The following RBM10 variants were observed in gnomAD, a reference collection of about 807,000 sequenced individuals.
RBM10 encodes the protein RNA binding motif protein 10.
RBM10 carries 1 observed loss-of-function variant against 84.9 expected under a neutral mutation model. That is an observed-to-expected ratio of 0.01 (90% CI 0.00 to 0.06). The LOEUF is 0.06. Among genes scored for constraint, RBM10 ranks in the 10% least tolerant of loss-of-function variants. The pLI is 1.00. For missense variants in RBM10, 438 were observed against 839.0 expected (o/e 0.52, Z 5.90); for synonymous variants, 326 against 344.5 (o/e 0.95, Z 0.60).
intron 2 of RBM10, among the ~76,000 whole-genome samples, chrX:47,164,029 C>T (rs1156959278): frequency 5.6e-5 from 6 of 106,797 alleles, no homozygotes; most frequent in African/African-American, 2.0e-4. Context: ...CCACCACGCC[C>T]GGCTAATTTT....
In RBM10 at chrX:47,179,108, C is replaced by T. The variant is rs1311070932; in HGVS notation, c.669C>T (p.Gly223=). 5.8e-6 allele frequency: 7 copies of T among 1,206,636 alleles called. No individual in the cohort carries two copies. Among genetic ancestry groups the T allele is most frequent in the South Asian group, 5.4e-5 (3 of 55,934 alleles). The part of the protein sequence containing the change: ...INEDWLCNKC[G]VQNFKRREKC... The stretch of plus-strand genomic sequence containing the variant: ...GCCTGGCCTGTGCCTCACAGTGTGG[C>T]GTCCAGAACTTCAAACGCCGAGAGA... Residue 223 remains glycine, a synonymous_variant, in exon 8 of 24, where the codon GGC becomes GGT. Coordinates refer to ENST00000377604, the MANE Select transcript of RBM10 (RefSeq NM_005676.5).
intron 6 of RBM10, 61 bp from the exon 7 acceptor site, chrX:47,176,439 G>A (rs2147155481): frequency 1.7e-6 from 2 of 1,204,692 alleles, no homozygotes; most frequent in Non-Finnish European, 1.1e-6. Context: ...CTTCTCCTAT[G>A]CTGAAACGGT....
intron 3 of RBM10, 128 bp from the exon 4 acceptor site, chrX:47,170,900 G>A: frequency 1.5e-6 from 1 of 676,950 alleles, no homozygotes; most frequent in Non-Finnish European, 2.3e-6. Flanking sequence ...GCCTGCCTGA[G>A]CCTTTAGCCG....
chrX:47,165,313 C>G (rs782140461), intron 2 of RBM10, among the ~76,000 whole-genome samples: 1 of 106,663 alleles, frequency 9.4e-6, no homozygotes, highest in African/African-American at 3.5e-5. Context: ...GTAGGGAGTT[C>G]GAGAGCAGCC....
rs199930442 is a variant in RBM10 at position 47,174,921 on chromosome X, G to GCC, written c.503-93_503-92dup. The GCC allele has an allele frequency of 1.1e-5, 6 of 554,627 alleles. No individual in the cohort carries two copies. In the East Asian group the frequency reaches 2.2e-4, roughly 20 times the overall value. 45.7% of individuals were successfully genotyped at this position (554,627 alleles called of 1,213,427 possible). A position where few individuals can be genotyped will look rare whatever the true frequency, so the allele number is the denominator to read the frequency against. On this transcript the variant is annotated intron_variant, in intron 5 of 23. Transcript: ENST00000377604. The stretch of plus-strand genomic sequence containing the variant: ...TTTTCCTCTTCCCCTTTCCCTCTCT[G>GCC]CCCCCCGTCCTCTCCCCTCGGGTCC...
In RBM10 at chrX:47,181,372, C is replaced by T. The variant is rs1935518832; in HGVS notation, c.1406C>T (p.Thr469Ile). The part of the protein sequence containing the change: ...YLKGTKGPGI[T>I]GTKGDPTGAG... ...AAGGGCACCAAGGGCCCTGGCATCA[C>T]TGGAACCAAAGGGGATCCCACTGGA... Residue 469 changes from threonine (T) to isoleucine (I), a missense_variant, in exon 13 of 24, where the codon ACT becomes ATT. Thr to Ile is a moderately conservative substitution (Grantham distance 89). Transcript: ENST00000377604. 2 of 1,207,477 alleles carry T rather than the reference C, an allele frequency of 1.7e-6. No individual in the cohort carries two copies. Among genetic ancestry groups the T allele is most frequent in the Non-Finnish European group, 2.2e-6 (2 of 893,028 alleles).
intron 9 of RBM10, 65 bp from the exon 10 acceptor site, chrX:47,179,815 G>A (rs2147171584): frequency 1.8e-6 from 2 of 1,118,897 alleles, no homozygotes; most frequent in African/African-American, 1.8e-5. Context: ...AGCAGTGGGG[G>A]CATTGAAGGG....
At position 47,179,343 on chromosome X, in the gene RBM10, G is replaced by T; in HGVS notation, c.749G>T (p.Gly250Val). ...GAGGCAGAGCAGAAGCTGCCCCTCG[G>T]CACGAGGCTGGATCAGCAGACACTG... ...KSEAEQKLPL[G>V]TRLDQQTLPL... The change falls in exon 9 of 24, where the codon GGC becomes GTC. Residue 250 changes from glycine (G) to valine (V), a missense_variant. Gly to Val is a moderately radical substitution (Grantham distance 109). Transcript: ENST00000377604. 1 of 1,199,191 alleles carries T rather than the reference G, an allele frequency of 8.3e-7. No homozygotes were observed.
chrX:47,145,490 G>A lies in RBM10; in HGVS notation c.-126+5G>A. The A allele has an allele frequency of 8.7e-7, 1 of 1,153,728 alleles. No homozygotes were observed. ...TTGACAGCCCGGGCCGAGAAGGTGA[G>A]CGTCGACGCTGGTCGTGGGGGCGGA... On this transcript the variant is annotated splice_donor_5th_base_variant and intron_variant, in intron 1 of 23. Coordinates refer to ENST00000377604, the MANE Select transcript of RBM10 (RefSeq NM_005676.5).
At chrX:47,180,342 T>TCCCCCCCCCCCCCCCC in intron 11 of RBM10, 33 bp downstream of exon 11, 1 of 1,059,494 alleles carries the variant, frequency 9.4e-7, no homozygotes, top group East Asian at 3.3e-5. Flanking sequence ...TTCCCACCCT[T>TCCCCCCCCCCCCCCCC]CCCCTCCCCA....
At chrX:47,164,675 G>A (rs1164898044) in intron 2 of RBM10, among the ~76,000 whole-genome samples, 1 of 112,009 alleles carries the variant, frequency 8.9e-6, no homozygotes, top group Non-Finnish European at 1.9e-5. Flanking sequence ...TGGTAGGAAT[G>A]TAAAATGGTA....
Position 47,180,513 on chromosome X carries a change from A to G in RBM10, c.1248+7A>G. ...CCAGTGGGCCATCTCACAGGTACTC[A>G]GACCCCTTGTGCCTCCCAGCGTCCT... On this transcript the variant is annotated splice_region_variant and intron_variant, in intron 12 of 23. Coordinates refer to ENST00000377604, the MANE Select transcript of RBM10 (RefSeq NM_005676.5). 2 of 1,209,515 alleles carry G rather than the reference A, an allele frequency of 1.7e-6. No homozygotes were observed. The highest frequency in any genetic ancestry group is 2.2e-6 in the Non-Finnish European group (2 of 894,866).
intron 6 of RBM10, among the ~76,000 whole-genome samples, chrX:47,176,235 C>T (rs782704235): frequency 4.5e-5 from 5 of 110,760 alleles, no homozygotes; most frequent in Non-Finnish European, 7.6e-5. Context: ...CGGCAAGCGT[C>T]GGTCAGCCGA....
intron 2 of RBM10, chrX:47,158,181 C>A: frequency 4.1e-6 from 1 of 243,021 alleles, no homozygotes; most frequent in South Asian, 4.8e-5. Context: ...ACTCTCTTCC[C>A]TTTCATAAAG....
At chrX:47,157,964 C>G (rs1167015195) in intron 2 of RBM10, 1 of 206,716 alleles carries the variant, frequency 4.8e-6, no homozygotes, top group Non-Finnish European at 8.8e-6. Flanking sequence ...TTAGTAGAGA[C>G]AGAGTTTCAC....
chrX:47,170,915 C>A, intron 3 of RBM10, 113 bp from the exon 4 acceptor site: 1 of 774,390 alleles, frequency 1.3e-6, no homozygotes, highest in Middle Eastern at 2.9e-4. Flanking sequence ...TAGCCGGAGC[C>A]CGCACATCCC....
At chrX:47,164,711 G>A (rs186641527) in intron 2 of RBM10, among the ~76,000 whole-genome samples, 4 of 111,101 alleles carry the variant, frequency 3.6e-5, no homozygotes, top group East Asian at 5.6e-4. Flanking sequence ...ACAGTTTGGC[G>A]GTTCCAGAAA....
intron 2 of RBM10, among the ~76,000 whole-genome samples, chrX:47,151,275 C>T (rs909741232): frequency 9.0e-6 from 1 of 111,305 alleles, no homozygotes; most frequent in Non-Finnish European, 1.9e-5. Flanking sequence ...CAGCAATCCA[C>T]CCACCTTGGC....
intron 2 of RBM10, chrX:47,157,510 G>A: frequency 2.4e-6 from 1 of 408,430 alleles, no homozygotes; most frequent in Non-Finnish European, 4.5e-6. Context: ...ATGAAGGGCA[G>A]CAAGCAGATC....
Sources: allele counts gnomAD v4.1 joint callset (sites outside exome capture counted in the v4.1 genomes callset), GRCh38; gene constraint gnomAD v4.1.1; transcripts MANE v1.5; gene names NCBI Gene and HGNC (gene_info 2026-07-23, HGNC 2026-07-21).